The following TVP23C variants were observed in gnomAD, a reference collection of about 807,000 sequenced individuals.
TVP23C encodes the protein trans-golgi network vesicle protein 23 homolog C.
In TVP23C, 19 loss-of-function variants were observed where a neutral mutation model predicts 28.7. The observed-to-expected ratio is 0.66, with a 90% CI of 0.46 to 0.97. TVP23C has a LOEUF of 0.97. TVP23C is among the 50% of genes least tolerant of loss of function. The pLI, the probability that TVP23C is intolerant of heterozygous loss-of-function variation, is 0.00. For missense variants in TVP23C, 186 were observed against 241.3 expected (o/e 0.77, Z 1.52); for synonymous variants, 68 against 81.7 (o/e 0.83, Z 0.90).
chr17:15,547,693 C>A (rs911834492), intron 3 of TVP23C, among the ~76,000 whole-genome samples: 1 of 152,134 alleles, frequency 6.6e-6, no homozygotes, highest in Non-Finnish European at 1.5e-5. Context: ...CTAACAGATA[C>A]CAACTCCTTC....
At chr17:15,511,845 T>C (rs1260215999) in intron 5 of TVP23C, among the ~76,000 whole-genome samples, 1 of 152,218 alleles carries the variant, frequency 6.6e-6, no homozygotes, top group East Asian at 1.9e-4. Context: ...ATTTTTGATA[T>C]CTAATATGTA....
chr17:15,534,926 G>A (rs1983096217), downstream of TVP23C, among the ~76,000 whole-genome samples: 2 of 151,668 alleles, frequency 1.3e-5, no homozygotes, highest in Non-Finnish European at 2.9e-5. Flanking sequence ...CAAGATTATG[G>A]CACTGCACTC....
rs1983262088 is a variant in TVP23C at position 15,538,552 on chromosome 17, T to G, written c.*1860A>C. Reference sequence around the variant, plus strand: ...TTGCAGTGAGCCGAGATCGCGCCACTGCACTCCAGCCTGGGCAAACAGAGT... The same window carrying G: ...TTGCAGTGAGCCGAGATCGCGCCACGGCACTCCAGCCTGGGCAAACAGAGT... On this transcript the variant is annotated 3_prime_UTR_variant, in exon 6 of 6. Transcript: ENST00000518321. 2.1e-6 allele frequency: 2 copies of G among 944,652 alleles called. No homozygotes were observed. Among genetic ancestry groups the G allele is most frequent in the African/African-American group, 3.5e-5 (2 of 56,396 alleles). The allele number at this position is 944,652 out of a possible 1,614,324, so 58.5% of individuals were successfully genotyped here. A position where few individuals can be genotyped will look rare whatever the true frequency, so the allele number is the denominator to read the frequency against.
chr17:15,526,313 C>T (rs956210731), intron 5 of TVP23C, among the ~76,000 whole-genome samples: 23 of 152,156 alleles, frequency 1.5e-4, no homozygotes, highest in African/African-American at 3.6e-4. Flanking sequence ...AGCTCATCAT[C>T]GAAGCCTCAC....
intron 5 of TVP23C, among the ~76,000 whole-genome samples, chr17:15,541,351 G>A (rs1010346081): frequency 1.2e-4 from 19 of 152,236 alleles, no homozygotes; most frequent in African/African-American, 3.6e-4. Context: ...CAGACCATAC[G>A]GTCTCTGTTG....
At chr17:15,561,798 T>C (rs916890727) in intron 1 of TVP23C, among the ~76,000 whole-genome samples, 1 of 152,198 alleles carries the variant, frequency 6.6e-6, no homozygotes, top group African/African-American at 2.4e-5. Flanking sequence ...TGAAACCTAC[T>C]GGGCTGCATT....
exon 6 of TVP23C, chr17:15,502,784 TCC>T (rs1567627305): frequency 6.8e-6 from 10 of 1,465,342 alleles, no homozygotes; most frequent in African/African-American, 2.9e-5. Context: ...CTCTCTTCCC[TCC>T]CTCTCTCCTC....
At chr17:15,502,892 T>C (rs374541045) in exon 6 of TVP23C, 5 of 1,591,732 alleles carry the variant, frequency 3.1e-6, no homozygotes, top group Non-Finnish European at 4.3e-6. Flanking sequence ...CAGATGAAAT[T>C]TTGGCCCGGG....
chr17:15,509,444 G>A (rs550248129), intron 5 of TVP23C, among the ~76,000 whole-genome samples: 9 of 152,352 alleles, frequency 5.9e-5, no homozygotes, highest in South Asian at 2.1e-4. Flanking sequence ...GAATATCAGC[G>A]CTGACCGCAC....
At chr17:15,551,265 ATTTTTTTT>A (rs1258749974) in intron 3 of TVP23C, among the ~76,000 whole-genome samples, 2 of 115,330 alleles carry the variant, frequency 1.7e-5, no homozygotes, top group East Asian at 5.0e-4. Context: ...TGCCCGGCTC[ATTTTTTTT>A]TTTTTTTTTT....
intron 5 of TVP23C, among the ~76,000 whole-genome samples, chr17:15,512,222 T>G (rs1982031754): frequency 6.6e-6 from 1 of 152,238 alleles, no homozygotes; most frequent in Non-Finnish European, 1.5e-5. Flanking sequence ...GTTGCTCTGA[T>G]GTTGAAGTGG....
intron 2 of TVP23C, among the ~76,000 whole-genome samples, chr17:15,554,236 C>CTTTTTT (rs60423951): frequency 4.8e-5 from 6 of 125,404 alleles, no homozygotes; most frequent in Admixed American, 8.5e-5. Flanking sequence ...TTGTTTGTTT[C>CTTTTTT]TTTTTTTTTT....
chr17:15,551,693 TAAGCTCA>T (rs1769660035), intron 3 of TVP23C, among the ~76,000 whole-genome samples: 1 of 151,598 alleles, frequency 6.6e-6, no homozygotes, highest in African/African-American at 2.4e-5. Flanking sequence ...ATTTTTTTTT[TAAGCTCA>T]TCAGCTAATG....
chr17:15,522,050 T>G (rs995016956), intron 5 of TVP23C, among the ~76,000 whole-genome samples: 2 of 152,080 alleles, frequency 1.3e-5, no homozygotes, highest in African/African-American at 4.8e-5. Flanking sequence ...TAAAAGACAG[T>G]GGGGAAGTGG....
Position 15,552,378 on chromosome 17 carries a change from A to G in TVP23C, c.240+1307T>C, listed in dbSNP as rs558098605. ...GCCATCACCAAGCCAACCACTTCAG[A>G]TATCTTTAAGAATTAAAAGATGGCC... is the stretch of plus-strand genomic sequence containing the variant. On this transcript the variant is annotated intron_variant, in intron 3 of 5. Coordinates refer to ENST00000518321, the MANE Select transcript of TVP23C (RefSeq NM_001135036.2). Among the ~76,000 whole-genome samples the G allele has an allele frequency of 4.3e-4, 66 of 152,320 alleles. No individual in the cohort carries two copies. The East Asian group carries it at 0.011, about 24-fold the overall frequency.
rs150377449 is a variant in TVP23C at position 15,553,793 on chromosome 17, T to A, written c.132A>T (p.Arg44=). The change falls in exon 3 of 6, where the codon CGA becomes CGT. Residue 44 remains arginine (R), a synonymous_variant. Transcript: ENST00000518321. ...PVASFFHLFF[R]VSAIIVCLLC... ...GAAGACAGACGATGATTGCACTGAC[T>A]CGAAAGAATAAGTGGAAAAACGATG... The A allele has an allele frequency of 3.2e-4, 522 of 1,613,822 alleles. 3 individuals carry two copies. In the African/African-American group the frequency reaches 6.2e-3, roughly 19 times the overall value.
downstream of TVP23C, among the ~76,000 whole-genome samples, chr17:15,535,962 C>T (rs528663333): frequency 1.5e-4 from 23 of 152,232 alleles, no homozygotes; most frequent in East Asian, 3.9e-3. Context: ...GAGGCTGAGG[C>T]GGGCGGATCA....
At chr17:15,529,872 C>A (rs1449401125) in intron 5 of TVP23C, among the ~76,000 whole-genome samples, 1 of 151,998 alleles carries the variant, frequency 6.6e-6, no homozygotes, top group Non-Finnish European at 1.5e-5. Context: ...GATCTCAGCT[C>A]ACTGCAACCT....
At chr17:15,505,870 T>C (rs1981709723) in intron 5 of TVP23C, among the ~76,000 whole-genome samples, 1 of 152,210 alleles carries the variant, frequency 6.6e-6, no homozygotes, top group African/African-American at 2.4e-5. Context: ...CCCCCAGCAG[T>C]GCCAGCCCAC....
Sources: allele counts gnomAD v4.1 joint callset (sites outside exome capture counted in the v4.1 genomes callset), GRCh38; gene constraint gnomAD v4.1.1; transcripts MANE v1.5; gene names NCBI Gene and HGNC (gene_info 2026-07-23, HGNC 2026-07-21).